ACSS3: variants seen among roughly 807,000 people sequenced by gnomAD.
ACSS3 encodes acyl-CoA synthetase short chain family member 3, also known as acyl-CoA synthetase short-chain family member 3, mitochondrial.
A neutral mutation model predicts 84.2 loss-of-function variants in ACSS3; 64 were observed. The observed-to-expected ratio is 0.76, with a 90% CI of 0.62 to 0.94. The LOEUF is 0.94. ACSS3 is among the 40% of genes least tolerant of loss of function. ACSS3 has a pLI of 0.00. For synonymous variants in ACSS3, 317 were observed against 310.1 expected, an observed-to-expected ratio of 1.02 and a Z score of -0.23; for missense variants, 815 against 867.6, an observed-to-expected ratio of 0.94 and a Z score of 0.76.
intron 1 of ACSS3, among the ~76,000 whole-genome samples, chr12:81,104,264 C>T (rs901919296): frequency 1.1e-4 from 17 of 152,122 alleles, no homozygotes; most frequent in African/African-American, 4.1e-4. Context: ...CGAGAAGCAC[C>T]AATAGGCACA....
intron 1 of ACSS3, among the ~76,000 whole-genome samples, chr12:81,097,643 C>A (rs1882163629): frequency 6.6e-6 from 1 of 152,240 alleles, no homozygotes; most frequent in African/African-American, 2.4e-5. Context: ...GCCCTCCTAA[C>A]TCACTTTAGC....
intron 7 of ACSS3, among the ~76,000 whole-genome samples, chr12:81,157,855 A>G (rs1272484854): frequency 6.6e-6 from 1 of 152,048 alleles, no homozygotes; most frequent in Non-Finnish European, 1.5e-5. Flanking sequence ...AAGAAAAGGC[A>G]TACACACCAG....
intron 8 of ACSS3, among the ~76,000 whole-genome samples, chr12:81,194,962 T>C (rs1417201817): frequency 2.0e-5 from 3 of 152,046 alleles, no homozygotes; most frequent in African/African-American, 4.8e-5. Context: ...TTGACAATGT[T>C]GTACATCACA....
intron 7 of ACSS3, among the ~76,000 whole-genome samples, chr12:81,170,376 T>C: frequency 6.6e-6 from 1 of 152,180 alleles, no homozygotes; most frequent in African/African-American, 2.4e-5. Flanking sequence ...TTTTGGTTTC[T>C]GTGCTTTGTA....
chr12:81,198,807 C>T lies in ACSS3; in HGVS notation c.1251-534C>T, dbSNP rs151236892. Among the ~76,000 whole-genome samples, 537 of 152,198 alleles carry T rather than the reference C, an allele frequency of 3.5e-3. 2 individuals carry two copies. The highest frequency in any genetic ancestry group is 0.012 in the African/African-American group (502 of 41,534). On this transcript the variant is annotated intron_variant, in intron 8 of 15. Transcript: ENST00000548058. ...ACAGTGGCATTTACTTCTTTACCAG[C>T]TATTTCTCCTACATATGTCCTTGGA...
At chr12:81,109,431 T>C (rs1331905585) in intron 1 of ACSS3, 129 bp from the exon 2 acceptor site, 1 of 967,280 alleles carries the variant, frequency 1.0e-6, no homozygotes, top group Non-Finnish European at 1.5e-6. Context: ...CTGTCATTAC[T>C]TGACATAGAA....
At chr12:81,136,355 G>A (rs1477227316) in intron 3 of ACSS3, among the ~76,000 whole-genome samples, 1 of 152,110 alleles carries the variant, frequency 6.6e-6, no homozygotes, top group Non-Finnish European at 1.5e-5. Flanking sequence ...TGCTGCTGTA[G>A]CACAAAAGCA....
intron 8 of ACSS3, among the ~76,000 whole-genome samples, chr12:81,188,894 A>G (rs7489087): frequency 0.65 from 98,534 of 152,032 alleles, 32,626 homozygotes; most frequent in Non-Finnish European, 0.73. Context: ...ATTAACACAT[A>G]CATTACCTCA....
intron 2 of ACSS3, 89 bp downstream of exon 2, chr12:81,109,793 T>C: frequency 1.9e-6 from 2 of 1,051,420 alleles, no homozygotes; most frequent in Admixed American, 3.0e-5. Flanking sequence ...CCTTCAATTC[T>C]CTAATGCATT....
chr12:81,122,562 G>A (rs1051368761), intron 2 of ACSS3, among the ~76,000 whole-genome samples: 4 of 152,028 alleles, frequency 2.6e-5, no homozygotes, highest in Non-Finnish European at 4.4e-5. Context: ...ATCATATTAT[G>A]TTCACTGAAG....
chr12:81,150,901 G>A (rs924141646), intron 5 of ACSS3, among the ~76,000 whole-genome samples: 2 of 152,048 alleles, frequency 1.3e-5, no homozygotes, highest in Non-Finnish European at 2.9e-5. Context: ...TTGCATAAGA[G>A]CAGTTATAAT....
intron 2 of ACSS3, among the ~76,000 whole-genome samples, chr12:81,133,714 A>G (rs557826461): frequency 2.7e-4 from 41 of 152,130 alleles, no homozygotes; most frequent in Non-Finnish European, 4.7e-4. Context: ...TTTTACCACA[A>G]TAGATAATTT....
At chr12:81,128,727 C>A (rs1206045601) in intron 2 of ACSS3, among the ~76,000 whole-genome samples, 2 of 152,150 alleles carry the variant, frequency 1.3e-5, no homozygotes, top group Admixed American at 1.3e-4. Flanking sequence ...TGTAACTCTA[C>A]ACTCAGACAT....
chr12:81,149,228 T>C (rs1196107279), intron 5 of ACSS3, among the ~76,000 whole-genome samples: 1 of 152,224 alleles, frequency 6.6e-6, no homozygotes, highest in African/African-American at 2.4e-5. Flanking sequence ...GTGCTATTTT[T>C]AGTTTACAAC....
At chr12:81,171,190 T>C (rs1440986733) in intron 7 of ACSS3, among the ~76,000 whole-genome samples, 1 of 152,138 alleles carries the variant, frequency 6.6e-6, no homozygotes, top group Non-Finnish European at 1.5e-5. Flanking sequence ...ATTTATTAAA[T>C]AAATAAATAT....
chr12:81,211,514 T>C (rs2032592796), intron 9 of ACSS3, among the ~76,000 whole-genome samples: 1 of 152,194 alleles, frequency 6.6e-6, no homozygotes, highest in Non-Finnish European at 1.5e-5. Context: ...AGTCTGTCTG[T>C]CATCTGCCAC....
chr12:81,129,753 C>T (rs1248610448), intron 2 of ACSS3, among the ~76,000 whole-genome samples: 2 of 151,914 alleles, frequency 1.3e-5, no homozygotes, highest in East Asian at 3.9e-4. Flanking sequence ...TTAGGTATTT[C>T]TCTTAATGCT....
chr12:81,225,276 T>A (rs1449618364), intron 11 of ACSS3, among the ~76,000 whole-genome samples: 1 of 151,934 alleles, frequency 6.6e-6, no homozygotes, highest in Non-Finnish European at 1.5e-5. Flanking sequence ...CCTTTATGAG[T>A]CTTTCTTTAG....
chr12:81,236,592 T>A (rs1265636415), intron 13 of ACSS3, among the ~76,000 whole-genome samples: 1 of 151,428 alleles, frequency 6.6e-6, no homozygotes. Flanking sequence ...AATCTGGCAA[T>A]CTCCATCATT....
Sources: gnomAD v4.1 joint callset for allele counts (sites outside exome capture counted in the v4.1 genomes callset) on GRCh38, gnomAD v4.1.1 for gene constraint, MANE v1.5 for transcripts, NCBI Gene and HGNC (gene_info 2026-07-23, HGNC 2026-07-21) for gene names.